The following ARHGAP42 variants were observed in gnomAD, a reference collection of about 807,000 sequenced individuals.
ARHGAP42 encodes the protein Rho GTPase activating protein 42, also known as rho GTPase-activating protein 42.
A neutral mutation model predicts 125.0 loss-of-function variants in ARHGAP42; 63 were observed. That is an observed-to-expected ratio of 0.50 (90% CI 0.41 to 0.62). The LOEUF is 0.62. Among genes scored for constraint, ARHGAP42 ranks in the 20% least tolerant of loss-of-function variants. The pLI, the probability that ARHGAP42 is intolerant of heterozygous loss-of-function variation, is 0.00. For synonymous variants in ARHGAP42, 339 were observed against 351.0 expected, an observed-to-expected ratio of 0.97 and a Z score of 0.38; for missense variants, 766 against 1,024.2, an observed-to-expected ratio of 0.75 and a Z score of 3.44.
intron 4 of ARHGAP42, among the ~76,000 whole-genome samples, chr11:100,869,419 C>A (rs77565384): frequency 8.1e-6 from 1 of 124,014 alleles, no homozygotes; most frequent in Non-Finnish European, 1.8e-5. Context: ...TTTTTTTTTT[C>A]TTTGTAGTTC....
chr11:100,851,017 G>T (rs1271553738), intron 3 of ARHGAP42, among the ~76,000 whole-genome samples: 1 of 151,318 alleles, frequency 6.6e-6, no homozygotes, highest in East Asian at 1.9e-4. Flanking sequence ...AAGTAGCTTG[G>T]ATTACAGACG....
At chr11:100,788,116 C>T (rs1397715355) in intron 2 of ARHGAP42, among the ~76,000 whole-genome samples, 1 of 152,144 alleles carries the variant, frequency 6.6e-6, no homozygotes, top group African/African-American at 2.4e-5. Flanking sequence ...TTTGTAATTA[C>T]TCAAATAATG....
intron 1 of ARHGAP42, among the ~76,000 whole-genome samples, chr11:100,764,038 T>C (rs911971399): frequency 5.3e-5 from 8 of 150,912 alleles, no homozygotes; most frequent in African/African-American, 1.7e-4. Context: ...TTTTTTTTTT[T>C]TTTGAGACAA....
intron 1 of ARHGAP42, among the ~76,000 whole-genome samples, chr11:100,768,570 G>A (rs1248086917): frequency 6.6e-6 from 1 of 152,174 alleles, no homozygotes; most frequent in Non-Finnish European, 1.5e-5. Flanking sequence ...TAAGGACTCA[G>A]CTATTAGACT....
chr11:100,911,291 T>C (rs1365375439), intron 4 of ARHGAP42, among the ~76,000 whole-genome samples: 1 of 152,178 alleles, frequency 6.6e-6, no homozygotes, highest in Non-Finnish European at 1.5e-5. Flanking sequence ...ATTAAATATT[T>C]ATTGAGTATT....
intron 3 of ARHGAP42, among the ~76,000 whole-genome samples, chr11:100,821,747 A>C (rs1368984277): frequency 3.3e-5 from 5 of 151,982 alleles, no homozygotes; most frequent in Admixed American, 3.3e-4. Context: ...TTTGTCGTAT[A>C]CTGTGTTTAT....
intron 4 of ARHGAP42, among the ~76,000 whole-genome samples, chr11:100,865,569 G>A (rs1296396647): frequency 6.6e-6 from 1 of 152,120 alleles, no homozygotes; most frequent in African/African-American, 2.4e-5. Context: ...CTGTATATAC[G>A]TAGCTTCCTT....
At chr11:100,840,069 C>G in intron 3 of ARHGAP42, 1 of 152,096 alleles carries the variant, frequency 6.6e-6, no homozygotes. Flanking sequence ...TAAATCATAT[C>G]TAGGGCTTAT....
intron 3 of ARHGAP42, among the ~76,000 whole-genome samples, chr11:100,812,768 A>C (rs1240286999): frequency 1.3e-5 from 2 of 152,212 alleles, no homozygotes; most frequent in Non-Finnish European, 2.9e-5. Flanking sequence ...ACAGGAACAA[A>C]TGGGAAAGTG....
intron 4 of ARHGAP42, among the ~76,000 whole-genome samples, chr11:100,890,203 T>A (rs1565261199): frequency 6.6e-6 from 1 of 152,142 alleles, no homozygotes; most frequent in Non-Finnish European, 1.5e-5. Flanking sequence ...TTTCTGCCTC[T>A]CGAGATGTCC....
intron 1 of ARHGAP42, among the ~76,000 whole-genome samples, chr11:100,711,911 A>C (rs768883434): frequency 3.3e-5 from 5 of 152,238 alleles, no homozygotes; most frequent in African/African-American, 4.8e-5. Context: ...TAATTAGCTA[A>C]AAGATGTAAA....
chr11:100,972,532 A>T (rs1694462526), intron 17 of ARHGAP42, among the ~76,000 whole-genome samples: 1 of 151,902 alleles, frequency 6.6e-6, no homozygotes, highest in Admixed American at 6.6e-5. Flanking sequence ...GGATGGATGG[A>T]TGGATGGATG....
chr11:100,743,116 T>C (rs1862223436), intron 1 of ARHGAP42, among the ~76,000 whole-genome samples: 1 of 152,180 alleles, frequency 6.6e-6, no homozygotes. Flanking sequence ...TCATGTTAAG[T>C]GTTACTTACT....
chr11:100,926,920 G>A (rs1867442382), intron 6 of ARHGAP42, among the ~76,000 whole-genome samples: 1 of 152,222 alleles, frequency 6.6e-6, no homozygotes, highest in African/African-American at 2.4e-5. Context: ...TTTTGTAATA[G>A]CATTTTCATG....
chr11:100,836,861 A>AATT (rs1157365825), intron 3 of ARHGAP42, among the ~76,000 whole-genome samples: 2 of 151,480 alleles, frequency 1.3e-5, no homozygotes, highest in Non-Finnish European at 2.9e-5. Context: ...TTTTACAACC[A>AATT]ATTTTGAATG....
intron 3 of ARHGAP42, among the ~76,000 whole-genome samples, chr11:100,832,370 A>G (rs76910756): frequency 2.0e-3 from 300 of 152,308 alleles, no homozygotes; most frequent in African/African-American, 6.8e-3. Context: ...GATCTCTCTA[A>G]GTTTCTGGAT....
At chr11:100,769,220 G>A (rs886368213) in intron 1 of ARHGAP42, among the ~76,000 whole-genome samples, 4 of 152,208 alleles carry the variant, frequency 2.6e-5, no homozygotes, top group East Asian at 1.9e-4. Context: ...CTACTGTGGT[G>A]TATGTTTTTA....
At chr11:100,924,068 T>C (rs894453862) in intron 6 of ARHGAP42, among the ~76,000 whole-genome samples, 2 of 152,152 alleles carry the variant, frequency 1.3e-5, no homozygotes, top group Non-Finnish European at 2.9e-5. Context: ...GGTTTTATTC[T>C]TTAGAAATCC....
intron 4 of ARHGAP42, among the ~76,000 whole-genome samples, chr11:100,878,379 T>G (rs1163991538): frequency 2.0e-5 from 3 of 152,118 alleles, no homozygotes; most frequent in Non-Finnish European, 2.9e-5. Context: ...ATTTGGCTGG[T>G]CCTCTCTGCC....
Sources: gnomAD v4.1 joint callset for allele counts (sites outside exome capture counted in the v4.1 genomes callset) on GRCh38, gnomAD v4.1.1 for gene constraint, MANE v1.5 for transcripts, NCBI Gene and HGNC (gene_info 2026-07-23, HGNC 2026-07-21) for gene names.